RBMS3: variants seen among roughly 807,000 people sequenced by gnomAD.
RBMS3 encodes the protein RNA binding motif single stranded interacting protein 3.
RBMS3 carries 27 observed loss-of-function variants against 66.8 expected under a neutral mutation model. That is an observed-to-expected ratio of 0.40 (90% confidence interval 0.30 to 0.56). The LOEUF (loss-of-function observed/expected upper bound fraction) is 0.56, where lower values mean the gene tolerates loss of function less well. RBMS3 is among the 20% of genes least tolerant of loss of function. The pLI is 0.40. For synonymous variants in RBMS3, 188 were observed against 183.0 expected (o/e 1.03, Z -0.22); for missense variants, 513 against 549.5 (o/e 0.93, Z 0.66).
chr3:29,892,059 A>G (rs1010825120), intron 8 of RBMS3, among the ~76,000 whole-genome samples: 2 of 151,474 alleles, frequency 1.3e-5, no homozygotes, highest in Admixed American at 6.6e-5. Context: ...ATTTTACCAT[A>G]TTACTACTGA....
At chr3:29,876,308 A>C (rs975549644) in intron 7 of RBMS3, among the ~76,000 whole-genome samples, 1 of 152,172 alleles carries the variant, frequency 6.6e-6, no homozygotes, top group Non-Finnish European at 1.5e-5. Flanking sequence ...CAAAGGCTAA[A>C]AAAAATTATC....
intron 6 of RBMS3, among the ~76,000 whole-genome samples, chr3:29,842,437 C>T (rs942486141): frequency 5.3e-5 from 8 of 152,184 alleles, no homozygotes; most frequent in South Asian, 2.1e-4. Flanking sequence ...GTGTTTCTAC[C>T]GCACACAAGA....
At chr3:29,652,971 A>C (rs2050196044) in intron 4 of RBMS3, among the ~76,000 whole-genome samples, 1 of 152,220 alleles carries the variant, frequency 6.6e-6, no homozygotes, top group Non-Finnish European at 1.5e-5. Context: ...CAGATTTTAT[A>C]TCAATGGTAA....
chr3:29,628,639 T>TA, intron 4 of RBMS3, among the ~76,000 whole-genome samples: 1 of 152,154 alleles, frequency 6.6e-6, no homozygotes, highest in Non-Finnish European at 1.5e-5. Context: ...ATTATTCATG[T>TA]TCATCAGTAT....
intron 1 of RBMS3, among the ~76,000 whole-genome samples, chr3:29,356,454 A>G (rs1253938962): frequency 6.6e-6 from 1 of 152,192 alleles, no homozygotes; most frequent in Non-Finnish European, 1.5e-5. Context: ...GTGAATAAAT[A>G]GTAGTATCTT....
intron 12 of RBMS3, among the ~76,000 whole-genome samples, chr3:29,963,039 A>AT (rs761007209): frequency 0.046 from 6,643 of 144,008 alleles, 193 homozygotes; most frequent in Non-Finnish European, 0.068. Flanking sequence ...TACTTTGGAG[A>AT]TTTTTTTTTT....
intron 6 of RBMS3, among the ~76,000 whole-genome samples, chr3:29,807,771 A>T (rs1240362730): frequency 2.0e-5 from 3 of 150,816 alleles, no homozygotes; most frequent in Non-Finnish European, 4.4e-5. Context: ...CCAAAAAAAT[A>T]AAAAAGTACT....
At chr3:29,361,282 G>A (rs942380656) in intron 1 of RBMS3, among the ~76,000 whole-genome samples, 4 of 151,898 alleles carry the variant, frequency 2.6e-5, no homozygotes, top group Non-Finnish European at 1.5e-5. Context: ...GTCTGTAAAG[G>A]ATTTTATTTC....
At chr3:29,765,675 G>T (rs948986150) in intron 6 of RBMS3, 1 of 151,842 alleles carries the variant, frequency 6.6e-6, no homozygotes. Context: ...GAGATCCTCG[G>T]GTCTTAAGAA....
At chr3:29,425,246 C>T (rs1048440850) in intron 1 of RBMS3, among the ~76,000 whole-genome samples, 6 of 148,980 alleles carry the variant, frequency 4.0e-5, no homozygotes, top group South Asian at 4.3e-4. Context: ...TGGTGTCACC[C>T]GCCTGTAGTC....
chr3:29,817,559 A>G (rs1277467799), intron 6 of RBMS3, among the ~76,000 whole-genome samples: 3 of 152,160 alleles, frequency 2.0e-5, no homozygotes, highest in Admixed American at 6.5e-5. Context: ...GAATTTAGTA[A>G]TTGCATGTTT....
intron 1 of RBMS3, among the ~76,000 whole-genome samples, chr3:29,383,358 C>T (rs2038860219): frequency 1.3e-5 from 2 of 152,134 alleles, no homozygotes; most frequent in African/African-American, 4.8e-5. Context: ...TTTGATTTTG[C>T]CTCTGATATT....
At chr3:29,815,058 A>G (rs1424390590) in intron 6 of RBMS3, among the ~76,000 whole-genome samples, 1 of 152,202 alleles carries the variant, frequency 6.6e-6, no homozygotes, top group African/African-American at 2.4e-5. Context: ...AAAGAAGTCT[A>G]TCCAGGCACA....
At chr3:29,780,273 G>A (rs1332065758) in intron 6 of RBMS3, among the ~76,000 whole-genome samples, 1 of 151,412 alleles carries the variant, frequency 6.6e-6, no homozygotes, top group Non-Finnish European at 1.5e-5. Context: ...GGTCTAGTTA[G>A]GTTTGATTTG....
intron 3 of RBMS3, among the ~76,000 whole-genome samples, chr3:29,553,833 T>C (rs1017638994): frequency 3.2e-4 from 48 of 150,932 alleles, no homozygotes; most frequent in African/African-American, 1.1e-3. Flanking sequence ...AGCATTTTCC[T>C]AGGCATTTGC....
At chr3:29,879,806 A>C (rs2059694620) in intron 7 of RBMS3, among the ~76,000 whole-genome samples, 1 of 152,080 alleles carries the variant, frequency 6.6e-6, no homozygotes, top group South Asian at 2.1e-4. Flanking sequence ...GGTTAAAAAA[A>C]AAAAATAATT....
chr3:29,290,732 G>A (rs928205824), intron 1 of RBMS3: 1 of 151,708 alleles, frequency 6.6e-6, no homozygotes, highest in Non-Finnish European at 1.5e-5. Flanking sequence ...TTTCTGACTC[G>A]TGTTTAACTT....
intron 4 of RBMS3, chr3:29,615,125 C>T (rs1559510347): frequency 6.6e-6 from 1 of 152,450 alleles, no homozygotes; most frequent in Non-Finnish European, 1.5e-5. Flanking sequence ...TCAGCTTCGC[C>T]ACCTTCTCTT....
In RBMS3 at chr3:29,942,555, G is replaced by T. The variant is rs567814945; in HGVS notation, c.1051-1652G>T. 2.0e-5 allele frequency among the ~76,000 whole-genome samples: 3 copies of T among 151,772 alleles called. No individual in the cohort carries two copies. The South Asian group carries it at 6.2e-4, about 32-fold the overall frequency. ...AGAGAGAGAAAGAGAAAGAAAAAAG[G>T]AAGGAAAGATGTAAATTTGCATGTG... On this transcript the variant is annotated intron_variant, in intron 11 of 14. Transcript: ENST00000383767.
Sources: allele counts gnomAD v4.1 joint callset (sites outside exome capture counted in the v4.1 genomes callset), GRCh38; gene constraint gnomAD v4.1.1; transcripts MANE v1.5; gene names NCBI Gene and HGNC (gene_info 2026-07-23, HGNC 2026-07-21).